Variants in IL1RAPL2 observed in about 807,000 individuals in gnomAD.
The protein encoded by IL1RAPL2 is interleukin 1 receptor accessory protein like 2, also known as X-linked interleukin-1 receptor accessory protein-like 2.
IL1RAPL2 carries 3 observed loss-of-function variants against 44.1 expected under a neutral mutation model. That is an observed-to-expected ratio of 0.07 (90% CI 0.03 to 0.18). The LOEUF is 0.18. Among genes scored for constraint, IL1RAPL2 ranks in the 10% least tolerant of loss-of-function variants. The pLI is 1.00. For synonymous variants in IL1RAPL2, 181 were observed against 178.8 expected (o/e 1.01, Z -0.10); for missense variants, 391 against 496.4 (o/e 0.79, Z 2.02).
chrX:105,623,491 G>C (rs1420831261), intron 6 of IL1RAPL2, among the ~76,000 whole-genome samples: 1 of 111,004 alleles, frequency 9.0e-6, no homozygotes, highest in East Asian at 2.9e-4. Context: ...CTGGGACCAG[G>C]TTTCATTTGG....
At chrX:105,484,599 CT>C (rs1471213737) in intron 6 of IL1RAPL2, among the ~76,000 whole-genome samples, 1 of 112,062 alleles carries the variant, frequency 8.9e-6, no homozygotes, top group Non-Finnish European at 1.9e-5. Flanking sequence ...ATTAGTTACA[CT>C]GGGTATTAAG....
At chrX:105,096,734 T>C (rs2032607835) in intron 2 of IL1RAPL2, among the ~76,000 whole-genome samples, 1 of 111,455 alleles carries the variant, frequency 9.0e-6, no homozygotes, top group Non-Finnish European at 1.9e-5. Context: ...GGGTTTCTTT[T>C]TGAGGTAATG....
intron 6 of IL1RAPL2, among the ~76,000 whole-genome samples, chrX:105,509,469 C>T (rs1209922909): frequency 8.9e-6 from 1 of 112,004 alleles, no homozygotes; most frequent in Non-Finnish European, 1.9e-5. Flanking sequence ...CATTGGTAGC[C>T]TCTGGCTACC....
chrX:104,692,833 G>T (rs925924848), intron 2 of IL1RAPL2, among the ~76,000 whole-genome samples: 15 of 111,715 alleles, frequency 1.3e-4, no homozygotes, highest in African/African-American at 4.9e-4. Flanking sequence ...ATAGCAGCAT[G>T]ATTTATAATC....
chrX:104,600,398 G>A (rs1195385463), intron 1 of IL1RAPL2, among the ~76,000 whole-genome samples: 1 of 111,452 alleles, frequency 9.0e-6, no homozygotes, highest in Admixed American at 9.6e-5. Flanking sequence ...CACGTTCACT[G>A]TACCTATTCA....
intron 1 of IL1RAPL2, among the ~76,000 whole-genome samples, chrX:104,585,361 T>TA (rs1928530475): frequency 1.8e-3 from 29 of 16,560 alleles, no homozygotes; most frequent in Non-Finnish European, 2.2e-3. Flanking sequence ...ATTATATATA[T>TA]TATATATATT....
Position 104,588,129 on chromosome X carries a change from C to G in IL1RAPL2, c.-20+21078C>G, listed in dbSNP as rs910443933. Among the ~76,000 whole-genome samples the G allele has an allele frequency of 5.4e-5, 6 of 111,882 alleles. No individual in the cohort carries two copies. In the Admixed American group the frequency reaches 5.7e-4, roughly 11 times the overall value. ...CTCTCTACTCATTGTAGAAATGGAA[C>G]TTTTCATTCAGTAATTTTCTAGATT... On this transcript the variant is annotated intron_variant, in intron 1 of 10. Transcript: ENST00000372582.
intron 2 of IL1RAPL2, among the ~76,000 whole-genome samples, chrX:104,902,600 A>ATT (rs1923852354): frequency 8.9e-6 from 1 of 112,068 alleles, no homozygotes; most frequent in Non-Finnish European, 1.9e-5. Context: ...TTTCAGCCTC[A>ATT]AGCCTAACAG....
chrX:104,762,749 G>T (rs768988846), intron 2 of IL1RAPL2, among the ~76,000 whole-genome samples: 6 of 111,875 alleles, frequency 5.4e-5, no homozygotes, highest in Non-Finnish European at 1.1e-4. Flanking sequence ...AAGAAGGTTT[G>T]AGACTTGCAC....
At chrX:105,112,710 TAA>T (rs2032813822) in intron 2 of IL1RAPL2, among the ~76,000 whole-genome samples, 1 of 112,936 alleles carries the variant, frequency 8.9e-6, no homozygotes, top group Non-Finnish European at 1.9e-5. Context: ...AAATGCAACA[TAA>T]GTCTGTGTGG....
chrX:104,611,069 G>A (rs768543371), intron 1 of IL1RAPL2, among the ~76,000 whole-genome samples: 2 of 111,633 alleles, frequency 1.8e-5, no homozygotes, highest in Admixed American at 1.9e-4. Flanking sequence ...GCCAGCCAGA[G>A]CTCTCCTGTA....
chrX:105,104,515 G>C (rs2032713433), intron 2 of IL1RAPL2, among the ~76,000 whole-genome samples: 2 of 112,160 alleles, frequency 1.8e-5, no homozygotes, highest in South Asian at 7.4e-4. Flanking sequence ...GGCCAAACTA[G>C]GACTAGAGCT....
At chrX:105,133,172 T>C (rs1412577840) in intron 2 of IL1RAPL2, among the ~76,000 whole-genome samples, 3 of 111,922 alleles carry the variant, frequency 2.7e-5, no homozygotes, top group African/African-American at 9.7e-5. Context: ...AGTTAACACA[T>C]TATGAGAAAT....
chrX:104,921,453 C>T (rs1924637515), intron 2 of IL1RAPL2, among the ~76,000 whole-genome samples: 1 of 112,226 alleles, frequency 8.9e-6, no homozygotes. Context: ...GGGGAGGGGC[C>T]AACAACATAG....
intron 5 of IL1RAPL2, among the ~76,000 whole-genome samples, chrX:105,273,050 G>C (rs1368733100): frequency 9.0e-6 from 1 of 111,239 alleles, no homozygotes; most frequent in Non-Finnish European, 1.9e-5. Flanking sequence ...ATAAATAGTA[G>C]CGGGGATTTT....
At chrX:104,803,116 G>A (rs1193846943) in intron 2 of IL1RAPL2, among the ~76,000 whole-genome samples, 1 of 111,616 alleles carries the variant, frequency 9.0e-6, no homozygotes, top group Non-Finnish European at 1.9e-5. Flanking sequence ...AAGAATAATC[G>A]AGGTGATGGA....
At chrX:104,738,804 G>T (rs1932056959) in intron 2 of IL1RAPL2, among the ~76,000 whole-genome samples, 2 of 111,431 alleles carry the variant, frequency 1.8e-5, no homozygotes, top group Admixed American at 9.5e-5. Context: ...GCCAGATGTG[G>T]TGGCACATGC....
In IL1RAPL2 at chrX:105,253,297, A is replaced by T. The variant is rs916785268; in HGVS notation, c.544-14091A>T. On this transcript the variant is annotated intron_variant, in intron 4 of 10. Coordinates refer to ENST00000372582, the MANE Select transcript of IL1RAPL2 (RefSeq NM_017416.2). ...GTTGGGAAGTTTCTATTGACATTAT[A>T]TTCAAACTCATTGGTTCTTTCCTCA... is the stretch of plus-strand genomic sequence containing the variant. Among the ~76,000 whole-genome samples the T allele has an allele frequency of 5.4e-5, 6 of 110,738 alleles. No individual in the cohort carries two copies. The Admixed American group carries it at 5.8e-4, about 11-fold the overall frequency.
intron 2 of IL1RAPL2, among the ~76,000 whole-genome samples, chrX:104,898,426 C>A (rs1382529091): frequency 8.9e-6 from 1 of 112,084 alleles, no homozygotes; most frequent in Non-Finnish European, 1.9e-5. Context: ...CAAGTGACAC[C>A]AAGCTAAATT....
Sources: allele counts gnomAD v4.1 joint callset (sites outside exome capture counted in the v4.1 genomes callset), GRCh38; gene constraint gnomAD v4.1.1; transcripts MANE v1.5; gene names NCBI Gene and HGNC (gene_info 2026-07-23, HGNC 2026-07-21).